VMP1: variants seen among roughly 807,000 people sequenced by gnomAD.
The protein encoded by VMP1 is ectopic P-granules autophagy protein 3 homolog.
In VMP1, 11 loss-of-function variants were observed where a neutral mutation model predicts 56.0. The observed-to-expected ratio is 0.20, with a 90% CI of 0.12 to 0.32. The LOEUF (loss-of-function observed/expected upper bound fraction) is 0.32, where lower values mean the gene tolerates loss of function less well. Among genes scored for constraint, VMP1 ranks in the 10% least tolerant of loss-of-function variants. The probability of loss-of-function intolerance (pLI) is 1.00; values close to 1 mark genes in which losing one functional copy is unlikely to be tolerated. For missense variants in VMP1, 296 were observed against 490.3 expected, an observed-to-expected ratio of 0.60 and a Z score of 3.74; for synonymous variants, 149 against 165.0, an observed-to-expected ratio of 0.90 and a Z score of 0.74.
At chr17:59,779,143 G>T (rs2036732151) in intron 7 of VMP1, among the ~76,000 whole-genome samples, 1 of 152,236 alleles carries the variant, frequency 6.6e-6, no homozygotes, top group South Asian at 2.1e-4. Context: ...GTCACCCGTT[G>T]TAAGTCAAGG....
intron 7 of VMP1, among the ~76,000 whole-genome samples, chr17:59,781,730 T>G (rs2036830033): frequency 2.6e-5 from 4 of 152,212 alleles, no homozygotes; most frequent in Non-Finnish European, 5.9e-5. Flanking sequence ...AATGAAATGC[T>G]GAAAATACAA....
intron 5 of VMP1, among the ~76,000 whole-genome samples, chr17:59,749,497 G>T (rs150950118): frequency 2.9e-4 from 44 of 151,810 alleles, no homozygotes; most frequent in African/African-American, 1.0e-3. Context: ...CGGTACTGAA[G>T]CTCAAGTTTA....
chr17:59,833,580 C>T (rs574397371), intron 10 of VMP1, among the ~76,000 whole-genome samples: 9 of 152,268 alleles, frequency 5.9e-5, no homozygotes, highest in African/African-American at 2.2e-4. Context: ...TTCATGGAAA[C>T]CTCCATAGAG....
intron 10 of VMP1, among the ~76,000 whole-genome samples, chr17:59,833,779 C>T (rs2038890866): frequency 6.6e-6 from 1 of 152,074 alleles, no homozygotes; most frequent in South Asian, 2.1e-4. Context: ...AAATTATTTA[C>T]CTTTTCAAAT....
intron 11 of VMP1, chr17:59,838,839 C>G (rs2144357619): frequency 6.4e-6 from 1 of 155,332 alleles, no homozygotes; most frequent in East Asian, 1.9e-4. Flanking sequence ...AAGGCTCTTA[C>G]CATAGCTGAA....
intron 7 of VMP1, among the ~76,000 whole-genome samples, chr17:59,775,252 ATTT>A (rs956070364): frequency 2.3e-4 from 34 of 146,596 alleles, no homozygotes; most frequent in Non-Finnish European, 4.1e-4. Context: ...CCTACAAAAA[ATTT>A]TTTAAAAAGC....
intron 1 of VMP1, among the ~76,000 whole-genome samples, chr17:59,727,804 A>G (rs2034667872): frequency 6.6e-6 from 1 of 152,266 alleles, no homozygotes; most frequent in African/African-American, 2.4e-5. Flanking sequence ...AAACATACAC[A>G]TGCATACATA....
intron 10 of VMP1, among the ~76,000 whole-genome samples, chr17:59,832,903 G>A (rs1161119916): frequency 6.6e-6 from 1 of 151,036 alleles, no homozygotes; most frequent in Non-Finnish European, 1.5e-5. Flanking sequence ...GAACCACCAT[G>A]CCCGGCCGAA....
chr17:59,795,337 G>A (rs935460354), intron 7 of VMP1, among the ~76,000 whole-genome samples: 2 of 151,300 alleles, frequency 1.3e-5, no homozygotes, highest in Non-Finnish European at 1.5e-5. Context: ...GGCTGGTCTC[G>A]AACTCCTGAC....
rs564700683 is a variant in VMP1, at chr17:59,709,061, C to A, written c.-27+1313C>A. Among the ~76,000 whole-genome samples the A allele has an allele frequency of 6.6e-5, 10 of 152,220 alleles. No homozygotes were observed. In the South Asian group the frequency reaches 2.1e-3, roughly 32 times the overall value. Reference sequence around the variant, plus strand: ...AGAAAATATACATAGAACCATGATGCCTTTTACCAGTTTACCTATAGCTAG... The same window carrying A: ...AGAAAATATACATAGAACCATGATGACTTTTACCAGTTTACCTATAGCTAG... On this transcript the variant is annotated intron_variant, in intron 1 of 11. Coordinates refer to ENST00000262291, the MANE Select transcript of VMP1 (RefSeq NM_030938.5).
chr17:59,766,650 A>C (rs1369074078), intron 6 of VMP1, among the ~76,000 whole-genome samples: 1 of 152,190 alleles, frequency 6.6e-6, no homozygotes, highest in Non-Finnish European at 1.5e-5. Flanking sequence ...CGTATATGGC[A>C]ATTTTACTTT....
At chr17:59,814,137 C>T (rs976566023) in intron 9 of VMP1, among the ~76,000 whole-genome samples, 5 of 152,138 alleles carry the variant, frequency 3.3e-5, no homozygotes, top group African/African-American at 1.2e-4. Flanking sequence ...CATGCCACCA[C>T]ACCCAGCTAA....
chr17:59,815,907 A>G (rs1328120501), intron 9 of VMP1, among the ~76,000 whole-genome samples: 2 of 149,558 alleles, frequency 1.3e-5, no homozygotes, highest in Non-Finnish European at 3.0e-5. Context: ...GACTTCTTTT[A>G]CAGATGGTTC....
chr17:59,716,988 AT>A (rs796475266), intron 1 of VMP1, among the ~76,000 whole-genome samples: 5 of 148,222 alleles, frequency 3.4e-5, no homozygotes, highest in African/African-American at 5.1e-5. Context: ...ATTTTTTTTT[AT>A]TTTTTTTTGA....
At chr17:59,777,470 TC>T (rs2036659954) in intron 7 of VMP1, among the ~76,000 whole-genome samples, 4 of 151,874 alleles carry the variant, frequency 2.6e-5, no homozygotes, top group African/African-American at 9.7e-5. Flanking sequence ...TTTTTTTTTT[TC>T]CTCTCTAGAA....
intron 10 of VMP1, among the ~76,000 whole-genome samples, chr17:59,819,048 T>A (rs1429538323): frequency 1.3e-5 from 2 of 152,146 alleles, no homozygotes; most frequent in Non-Finnish European, 2.9e-5. Flanking sequence ...AATAAAATAG[T>A]TTTTAATATT....
intron 1 of VMP1, among the ~76,000 whole-genome samples, chr17:59,728,773 G>A (rs781346905): frequency 6.6e-6 from 1 of 151,954 alleles, no homozygotes; most frequent in Non-Finnish European, 1.5e-5. Flanking sequence ...TTGGAAGTTT[G>A]GATAGTTCCT....
chr17:59,766,968 G>A (rs992077556), intron 6 of VMP1, among the ~76,000 whole-genome samples: 6 of 152,026 alleles, frequency 3.9e-5, no homozygotes, highest in Non-Finnish European at 8.8e-5. Context: ...TTTTAGTAGA[G>A]ACGGGATTTC....
chr17:59,752,140 G>A (rs1003212690), intron 5 of VMP1, among the ~76,000 whole-genome samples: 2 of 152,208 alleles, frequency 1.3e-5, no homozygotes, highest in Non-Finnish European at 1.5e-5. Flanking sequence ...GATCAGATCC[G>A]TAGCTATTTA....
Sources: gnomAD v4.1 joint callset for allele counts (sites outside exome capture counted in the v4.1 genomes callset) on GRCh38, gnomAD v4.1.1 for gene constraint, MANE v1.5 for transcripts, NCBI Gene and HGNC (gene_info 2026-07-23, HGNC 2026-07-21) for gene names.